Variants in ADD3 observed in about 807,000 individuals in gnomAD.
The protein encoded by ADD3 is adducin 3, also known as gamma-adducin.
Under a neutral mutation model 80.2 loss-of-function variants are expected in ADD3, and 25 were observed. The ratio of observed to expected loss-of-function variants is 0.31; its 90% CI spans 0.23 to 0.44. The LOEUF (loss-of-function observed/expected upper bound fraction) is 0.44. ADD3 is among the 20% of genes least tolerant of loss of function. The pLI, the probability that ADD3 is intolerant of heterozygous loss-of-function variation, is 1.00. For synonymous variants in ADD3, 284 were observed against 289.6 expected (o/e 0.98, Z 0.20); for missense variants, 829 against 847.5 (o/e 0.98, Z 0.27).
At chr10:110,079,455 AGAGAGAGTGTGTGTGTGTGTGT>A (rs1845787446) in intron 1 of ADD3, among the ~76,000 whole-genome samples, 4 of 125,568 alleles carry the variant, frequency 3.2e-5, no homozygotes, top group African/African-American at 1.4e-4. Flanking sequence ...AGAGAGAGAG[AGAGAGAGTGTGTGTGTGTGTGT>A]GTGTGTGTGT....
intron 13 of ADD3, among the ~76,000 whole-genome samples, chr10:110,131,573 A>G (rs1030732145): frequency 1.3e-5 from 2 of 152,238 alleles, no homozygotes; most frequent in African/African-American, 4.8e-5. Context: ...AGGAAGAACT[A>G]ATGACATCTT....
intron 2 of ADD3, among the ~76,000 whole-genome samples, chr10:110,111,093 A>G (rs952771018): frequency 6.6e-6 from 1 of 152,194 alleles, no homozygotes; most frequent in Non-Finnish European, 1.5e-5. Flanking sequence ...GAGGCAGACC[A>G]CTGTCAGTGA....
intron 1 of ADD3, among the ~76,000 whole-genome samples, chr10:110,077,368 T>C (rs1411732663): frequency 6.6e-6 from 1 of 152,180 alleles, no homozygotes; most frequent in Non-Finnish European, 1.5e-5. Flanking sequence ...TGACACTGAC[T>C]GTTCAAATGA....
At chr10:110,109,265 T>C (rs1031665934) in intron 2 of ADD3, among the ~76,000 whole-genome samples, 1 of 152,146 alleles carries the variant, frequency 6.6e-6, no homozygotes, top group African/African-American at 2.4e-5. Context: ...ATCAATACAC[T>C]GAGCAAGCTG....
At chr10:110,016,168 T>G (rs1171320683) in intron 1 of ADD3, among the ~76,000 whole-genome samples, 1 of 152,160 alleles carries the variant, frequency 6.6e-6, no homozygotes, top group East Asian at 1.9e-4. Flanking sequence ...CTTGGGGCTG[T>G]TTAATTTGGG....
At chr10:110,108,568 T>G (rs1447027938) in intron 2 of ADD3, among the ~76,000 whole-genome samples, 2 of 152,168 alleles carry the variant, frequency 1.3e-5, no homozygotes, top group Admixed American at 6.5e-5. Context: ...ATCTCAAAGA[T>G]AAATAAAATT....
rs543651975 is a variant in ADD3, at chr10:110,045,416, A to G, written c.-30+37117A>G. Among the ~76,000 whole-genome samples the G allele has an allele frequency of 2.6e-5, 4 of 152,206 alleles. No homozygotes were observed. In the South Asian group the frequency reaches 8.3e-4, roughly 32 times the overall value. The stretch of plus-strand genomic sequence containing the variant: ...GAATGGTTTTGGGTCCTCTGTTGCT[A>G]TTTAGCACTTTTGAGCTATAATATT... On this transcript the variant is annotated intron_variant, in intron 1 of 14. Transcript: ENST00000356080.
chr10:110,120,170 C>G (rs1851283373), intron 8 of ADD3, among the ~76,000 whole-genome samples: 1 of 150,044 alleles, frequency 6.7e-6, no homozygotes, highest in African/African-American at 2.5e-5. Flanking sequence ...GTGCGCTGCA[C>G]CCACCAACTC....
At chr10:110,068,209 G>A (rs530503632) in intron 1 of ADD3, among the ~76,000 whole-genome samples, 1 of 151,764 alleles carries the variant, frequency 6.6e-6, no homozygotes, top group Non-Finnish European at 1.5e-5. Flanking sequence ...TCCTTTTCCC[G>A]CTTCCACCGA....
chr10:110,128,518 G>A (rs199557037), intron 12 of ADD3, among the ~76,000 whole-genome samples: 2 of 151,928 alleles, frequency 1.3e-5, no homozygotes, highest in Non-Finnish European at 2.9e-5. Context: ...CTGGGTGCAC[G>A]CCATTCTCTG....
In ADD3 at chr10:110,133,626, C is replaced by A. The variant is rs1378666499; in HGVS notation, c.*8C>A. 1 of 1,549,936 alleles carries A rather than the reference C, an allele frequency of 6.5e-7. No individual in the cohort carries two copies. Among genetic ancestry groups the A allele is most frequent in the East Asian group, 2.3e-5 (1 of 44,390 alleles). On this transcript the variant is annotated 3_prime_UTR_variant, in exon 15 of 15. Coordinates refer to ENST00000356080, the MANE Select transcript of ADD3 (RefSeq NM_016824.5). ...GAGAAAGTTGAGGCCTAAATAAAGT[C>A]TTTTTATAATTATTATTATAACAAT...
At chr10:110,075,343 T>G (rs925460496) in intron 1 of ADD3, among the ~76,000 whole-genome samples, 2 of 151,544 alleles carry the variant, frequency 1.3e-5, no homozygotes, top group Admixed American at 1.3e-4. Flanking sequence ...GGTTTTTTGT[T>G]TTTTTTTTAA....
At chr10:110,079,451 AGAGAGAGAGAGTGTGTGTGT>A (rs1294177769) in intron 1 of ADD3, among the ~76,000 whole-genome samples, 12 of 132,872 alleles carry the variant, frequency 9.0e-5, no homozygotes, top group Admixed American at 2.9e-4. Context: ...AGAGAGAGAG[AGAGAGAGAGAGTGTGTGTGT>A]GTGTGTGTGT....
intron 1 of ADD3, among the ~76,000 whole-genome samples, chr10:110,073,138 C>CTTTTTTTTTTTTT (rs1189793476): frequency 1.1e-5 from 1 of 94,254 alleles, no homozygotes; most frequent in African/African-American, 4.5e-5. Context: ...TTTTAGTTTT[C>CTTTTTTTTTTTTT]TTTTTTTTTT....
In ADD3 at chr10:110,083,884, A is replaced by G. The variant is rs149496731; in HGVS notation, c.-29-16741A>G. Among the ~76,000 whole-genome samples, 137 of 152,340 alleles carry G rather than the reference A, an allele frequency of 9.0e-4. 1 individual carries two copies. The highest frequency in any genetic ancestry group is 3.0e-3 in the African/African-American group (125 of 41,572). ...TTTCTAGCACTTTACAACTTGACAGAACCTTTCCTAGACAATAGAGATCAA... is the reference window on the plus strand; with the variant it reads ...TTTCTAGCACTTTACAACTTGACAGGACCTTTCCTAGACAATAGAGATCAA... On this transcript the variant is annotated intron_variant, in intron 1 of 14. Transcript: ENST00000356080.
At chr10:110,074,575 CT>C (rs754005451) in intron 1 of ADD3, among the ~76,000 whole-genome samples, 646 of 142,790 alleles carry the variant, frequency 4.5e-3, no homozygotes, top group Middle Eastern at 7.2e-3. Flanking sequence ...ACCTCATTTC[CT>C]TTTTTTTTTT....
At chr10:110,126,893 A>G (rs979217322) in intron 12 of ADD3, among the ~76,000 whole-genome samples, 17 of 152,312 alleles carry the variant, frequency 1.1e-4, no homozygotes, top group Admixed American at 3.9e-4. Context: ...TTGGTCTATC[A>G]GTTTTAGACC....
intron 1 of ADD3, among the ~76,000 whole-genome samples, chr10:110,098,360 T>C (rs912357321): frequency 6.6e-6 from 1 of 152,212 alleles, no homozygotes; most frequent in African/African-American, 2.4e-5. Context: ...TAGGTACTTA[T>C]TTTCAAAAAT....
At chr10:110,051,731 T>C (rs2133397803) in intron 1 of ADD3, among the ~76,000 whole-genome samples, 1 of 152,346 alleles carries the variant, frequency 6.6e-6, no homozygotes, top group African/African-American at 2.4e-5. Flanking sequence ...AGTAGTTCTT[T>C]CTAGGAAGGA....
Sources: gnomAD v4.1 joint callset for allele counts (sites outside exome capture counted in the v4.1 genomes callset) on GRCh38, gnomAD v4.1.1 for gene constraint, MANE v1.5 for transcripts, NCBI Gene and HGNC (gene_info 2026-07-23, HGNC 2026-07-21) for gene names.